SOX5: variants seen among roughly 807,000 people sequenced by gnomAD.
SOX5 encodes the protein transcription factor SOX-5.
SOX5 carries 9 observed loss-of-function variants against 92.0 expected under a neutral mutation model. That is an observed-to-expected ratio of 0.10 (90% CI 0.06 to 0.17). The LOEUF (loss-of-function observed/expected upper bound fraction) is 0.17. SOX5 is among the 10% of genes least tolerant of loss of function. SOX5 has a pLI of 1.00. For missense variants in SOX5, 642 were observed against 944.5 expected (o/e 0.68, Z 4.20); for synonymous variants, 344 against 336.3 (o/e 1.02, Z -0.25).
intron 2 of SOX5, among the ~76,000 whole-genome samples, chr12:24,348,197 T>G (rs1187074700): frequency 1.3e-5 from 2 of 151,916 alleles, no homozygotes; most frequent in Non-Finnish European, 2.9e-5. Context: ...AAATGGATAC[T>G]CTAAAGTTTG....
chr12:24,255,552 A>G (rs1455008571), intron 3 of SOX5, among the ~76,000 whole-genome samples: 1 of 152,208 alleles, frequency 6.6e-6, no homozygotes, highest in African/African-American at 2.4e-5. Flanking sequence ...CAGTTTAAGG[A>G]CAAGAAGTAA....
intron 6 of SOX5, 107 bp downstream of exon 6, chr12:23,734,577 T>C (rs2140905098): frequency 1.2e-6 from 1 of 831,100 alleles, no homozygotes; most frequent in Non-Finnish European, 1.9e-6. Flanking sequence ...ATGAATTAGC[T>C]TGAAAGTCAT....
intron 6 of SOX5, among the ~76,000 whole-genome samples, chr12:23,667,200 T>C (rs16926562): frequency 0.036 from 5,468 of 152,170 alleles, 344 homozygotes; most frequent in African/African-American, 0.12. Flanking sequence ...GACACCAAAT[T>C]ACAAAGCATT....
chr12:23,687,919 C>T (rs2087927688), intron 6 of SOX5, among the ~76,000 whole-genome samples: 2 of 149,876 alleles, frequency 1.3e-5, no homozygotes, highest in African/African-American at 4.9e-5. Context: ...TTTGGTGTTT[C>T]AATCAGCCTG....
At chr12:24,499,432 G>A (rs997690447) in intron 1 of SOX5, among the ~76,000 whole-genome samples, 5 of 152,326 alleles carry the variant, frequency 3.3e-5, no homozygotes, top group East Asian at 3.9e-4. Context: ...GGTGCTATGC[G>A]CACCGCAAGG....
At chr12:23,992,030 C>T (rs1307374730) in intron 4 of SOX5, among the ~76,000 whole-genome samples, 4 of 152,164 alleles carry the variant, frequency 2.6e-5, no homozygotes, top group Admixed American at 2.6e-4. Context: ...TCATCATCAT[C>T]AGTAGCAAAA....
chr12:24,304,399 AAG>A (rs1217736637), intron 2 of SOX5, among the ~76,000 whole-genome samples: 20 of 152,208 alleles, frequency 1.3e-4, no homozygotes, highest in African/African-American at 4.6e-4. Flanking sequence ...ATGTTAGAAA[AAG>A]AGGAAATTTT....
At chr12:24,463,242 C>G (rs1386739324) in intron 1 of SOX5, among the ~76,000 whole-genome samples, 1 of 152,000 alleles carries the variant, frequency 6.6e-6, no homozygotes, top group Non-Finnish European at 1.5e-5. Flanking sequence ...ATCTGTTTTC[C>G]CTTTAAAATT....
intron 4 of SOX5, among the ~76,000 whole-genome samples, chr12:24,105,069 T>A (rs1404781722): frequency 1.3e-5 from 2 of 152,198 alleles, no homozygotes; most frequent in African/African-American, 4.8e-5. Flanking sequence ...ATCATTTTGG[T>A]CCATCTGATA....
At chr12:23,581,986 C>T (rs2136910330) in intron 9 of SOX5, among the ~76,000 whole-genome samples, 1 of 152,110 alleles carries the variant, frequency 6.6e-6, no homozygotes, top group Non-Finnish European at 1.5e-5. Context: ...CATAAATACT[C>T]ATGTGAAATA....
chr12:24,227,296 A>G (rs1322544403), intron 3 of SOX5: 2 of 152,264 alleles, frequency 1.3e-5, no homozygotes, highest in Non-Finnish European at 2.9e-5. Flanking sequence ...GAGCTTCCCC[A>G]GGAAGGGAAG....
chr12:24,115,502 A>T (rs1947894602), intron 4 of SOX5, among the ~76,000 whole-genome samples: 1 of 152,220 alleles, frequency 6.6e-6, no homozygotes, highest in Non-Finnish European at 1.5e-5. Flanking sequence ...AGAATACCGC[A>T]ATCCAAAGGA....
intron 4 of SOX5, among the ~76,000 whole-genome samples, chr12:24,094,344 A>G (rs1569540386): frequency 1.3e-5 from 2 of 151,714 alleles, no homozygotes; most frequent in Non-Finnish European, 1.5e-5. Context: ...ATGTCTGTTT[A>G]TTACCTTTGT....
In SOX5 at chr12:24,135,213, T is replaced by C. The variant is rs112766040; in HGVS notation, c.-2+78130A>G. On this transcript the variant is annotated intron_variant, in intron 4 of 4. Coordinates refer to the SOX5 transcript ENST00000446891. ...TGCTAAACCACCCTAGCCTAAATTATGACAGTATCCAATCACAAGTTAATT... is the reference window on the plus strand; with the variant it reads ...TGCTAAACCACCCTAGCCTAAATTACGACAGTATCCAATCACAAGTTAATT... Among the ~76,000 whole-genome samples the C allele has an allele frequency of 9.8e-3, 1,499 of 152,308 alleles. 29 individuals carry two copies. The highest frequency in any genetic ancestry group is 0.034 in the African/African-American group (1,407 of 41,570).
intron 2 of SOX5, among the ~76,000 whole-genome samples, chr12:24,367,764 TTAAATACATC>T (rs1159631858): frequency 1.3e-5 from 2 of 152,308 alleles, no homozygotes; most frequent in South Asian, 4.1e-4. Flanking sequence ...TTAACACTTA[TTAAATACATC>T]CAAATACATC....
At chr12:24,041,174 G>C (rs1956488036) in intron 4 of SOX5, among the ~76,000 whole-genome samples, 2 of 152,184 alleles carry the variant, frequency 1.3e-5, no homozygotes, top group Admixed American at 1.3e-4. Context: ...TACCAGTTTT[G>C]ATTGTCCCAG....
chr12:23,837,960 G>A (rs1281364140), intron 3 of SOX5, among the ~76,000 whole-genome samples: 1 of 116,644 alleles, frequency 8.6e-6, no homozygotes, highest in South Asian at 2.6e-4. Context: ...TATAGTATAT[G>A]TTTATATTTA....
intron 1 of SOX5, among the ~76,000 whole-genome samples, chr12:24,535,772 A>G (rs549020011): frequency 6.6e-6 from 1 of 152,348 alleles, no homozygotes; most frequent in Admixed American, 6.5e-5. Context: ...ATCAAGTGCA[A>G]TAGAACAAAG....
At chr12:24,420,937 A>G (rs1360765963) in intron 1 of SOX5, among the ~76,000 whole-genome samples, 1 of 152,116 alleles carries the variant, frequency 6.6e-6, no homozygotes, top group Non-Finnish European at 1.5e-5. Flanking sequence ...CACCAACAAA[A>G]TCCATACTGT....
Sources: gnomAD v4.1 joint callset for allele counts (sites outside exome capture counted in the v4.1 genomes callset) on GRCh38, gnomAD v4.1.1 for gene constraint, MANE v1.5 for transcripts, NCBI Gene and HGNC (gene_info 2026-07-23, HGNC 2026-07-21) for gene names.